Variants in ANTXR2 observed in about 807,000 individuals in gnomAD.
ANTXR2 encodes the protein anthrax toxin receptor 2.
A neutral mutation model predicts 73.7 loss-of-function variants in ANTXR2; 44 were observed. The observed-to-expected ratio is 0.60, with a 90% CI of 0.47 to 0.77. The LOEUF (loss-of-function observed/expected upper bound fraction) is 0.77. ANTXR2 is among the 30% of genes least tolerant of loss of function. ANTXR2 has a pLI of 0.00. For missense variants in ANTXR2, 604 were observed against 592.5 expected (o/e 1.02, Z -0.20); for synonymous variants, 217 against 205.9 (o/e 1.05, Z -0.46).
chr4:79,905,940 C>T lies in ANTXR2; in HGVS notation c.*1489G>A, dbSNP rs553038131. On this transcript the variant is annotated 3_prime_UTR_variant, in exon 17 of 17. Coordinates refer to ENST00000403729, the MANE Select transcript of ANTXR2 (RefSeq NM_058172.6). ...GTCATTTGATAAGCCTTTGTGCTCA[C>T]AGAGAGACATCCCACTGACCCAGCC... 1 of 152,644 alleles carries T rather than the reference C, an allele frequency of 6.6e-6. No individual in the cohort carries two copies. Among genetic ancestry groups the T allele is most frequent in the South Asian group, 2.1e-4 (1 of 4,826 alleles). 9.5% of individuals were successfully genotyped at this position (152,644 alleles called of 1,614,324 possible). A position where few individuals can be genotyped will look rare whatever the true frequency, so the allele number is the denominator to read the frequency against.
rs1482372032 is a variant in ANTXR2 at position 79,904,745 on chromosome 4, T to G, written c.*2684A>C. On this transcript the variant is annotated 3_prime_UTR_variant, in exon 17 of 17. Coordinates refer to ENST00000403729, the MANE Select transcript of ANTXR2 (RefSeq NM_058172.6). ...GATTATGTGCAAGACTTATTCATTT[T>G]TACACAGAAAGTAGATCTTGACTGA... is the stretch of plus-strand genomic sequence containing the variant. 1.3e-5 allele frequency: 2 copies of G among 152,172 alleles called. No homozygotes were observed. Among genetic ancestry groups the G allele is most frequent in the African/African-American group, 4.8e-5 (2 of 41,446 alleles). 9.4% of individuals were successfully genotyped at this position (152,172 alleles called of 1,614,324 possible).
intron 6 of ANTXR2, 63 bp downstream of exon 6, chr4:80,055,087 T>A: frequency 7.0e-7 from 1 of 1,432,362 alleles, no homozygotes; most frequent in Non-Finnish European, 9.5e-7. Flanking sequence ...AAAGAATTTG[T>A]TAAACTATCC....
chr4:80,008,608 C>T lies in ANTXR2; in HGVS notation c.954G>A (p.Gly318=), dbSNP rs1436180713. Residue 318 remains glycine (G), a synonymous_variant, in exon 12 of 17, where the codon GGG becomes GGA. Coordinates refer to ENST00000403729, the MANE Select transcript of ANTXR2 (RefSeq NM_058172.6). ...CCAAAATAACAATGATGGCTGCGAT[C>T]CCGTTAGACTAAAGTAGGCAAAAAG... ...LIVTATECSN[G]IAAIIVILVL... is the part of the protein sequence containing the mutation. 15 of 1,599,674 alleles carry T rather than the reference C, an allele frequency of 9.4e-6. No individual in the cohort carries two copies. The highest frequency in any genetic ancestry group is 1.3e-5 in the African/African-American group (1 of 74,178).
At chr4:80,006,621 G>A (rs1731313776) in intron 12 of ANTXR2, among the ~76,000 whole-genome samples, 2 of 151,960 alleles carry the variant, frequency 1.3e-5, no homozygotes, top group South Asian at 2.1e-4. Context: ...TTTATGCCTC[G>A]TAGAAAGTAA....
chr4:79,995,417 A>G (rs572412947), intron 12 of ANTXR2, among the ~76,000 whole-genome samples: 2 of 152,116 alleles, frequency 1.3e-5, no homozygotes, highest in South Asian at 4.1e-4. Flanking sequence ...TTTACATGAA[A>G]CTAAAATATT....
At chr4:79,996,395 CAGAT>C (rs1215844359) in intron 12 of ANTXR2, among the ~76,000 whole-genome samples, 1 of 151,604 alleles carries the variant, frequency 6.6e-6, no homozygotes, top group East Asian at 1.9e-4. Flanking sequence ...GATAATTACA[CAGAT>C]AGTTATATTT....
At chr4:79,988,980 G>T (rs1405377823) in intron 12 of ANTXR2, among the ~76,000 whole-genome samples, 3 of 152,040 alleles carry the variant, frequency 2.0e-5, no homozygotes, top group African/African-American at 7.2e-5. Context: ...CAGAATCTCT[G>T]GGACACGGCT....
rs1726846591 is a variant in ANTXR2, at chr4:79,904,903, G to A, written c.*2526C>T. The A allele has an allele frequency of 6.6e-6, 1 of 151,998 alleles. No individual in the cohort carries two copies. The highest frequency in any genetic ancestry group is 2.4e-5 in the African/African-American group (1 of 41,394). 9.4% of individuals were successfully genotyped at this position (151,998 alleles called of 1,614,324 possible). On this transcript the variant is annotated 3_prime_UTR_variant, in exon 17 of 17. Transcript: ENST00000403729. ...TAGGGATTTTTGATCTGGTCTTTTG[G>A]TAAGAAAATAACACTCTTCAAAACA...
chr4:79,988,256 TATATATATATATA>T (rs1730287378), intron 12 of ANTXR2, among the ~76,000 whole-genome samples: 1 of 134,800 alleles, frequency 7.4e-6, no homozygotes, highest in Non-Finnish European at 1.6e-5. Flanking sequence ...TATATATATA[TATATATATATATA>T]TATATATATG....
intron 12 of ANTXR2, among the ~76,000 whole-genome samples, chr4:79,993,211 G>A: frequency 6.6e-6 from 1 of 151,414 alleles, no homozygotes; most frequent in African/African-American, 2.4e-5. Context: ...AGAGAAGTTA[G>A]GAAGAGGAAA....
intron 16 of ANTXR2, among the ~76,000 whole-genome samples, chr4:79,922,959 C>T (rs1727646158): frequency 6.6e-6 from 1 of 152,004 alleles, no homozygotes; most frequent in Non-Finnish European, 1.5e-5. Flanking sequence ...GTTTACACTT[C>T]TAATATTTTT....
intron 12 of ANTXR2, among the ~76,000 whole-genome samples, chr4:79,994,006 C>A (rs1730609248): frequency 6.6e-6 from 1 of 151,686 alleles, no homozygotes. Context: ...TTAAGTATGG[C>A]TGAGCTATTA....
intron 4 of ANTXR2, 68 bp from the exon 5 acceptor site, chr4:80,055,535 G>T: frequency 1.5e-6 from 2 of 1,323,510 alleles, no homozygotes; most frequent in Non-Finnish European, 1.1e-6. Context: ...GTTCCATCAA[G>T]CTGAATTTGT....
chr4:79,988,102 C>T (rs1286357046), intron 12 of ANTXR2, among the ~76,000 whole-genome samples: 3 of 151,530 alleles, frequency 2.0e-5, no homozygotes, highest in Middle Eastern at 3.4e-3. Flanking sequence ...CAAATCTTCA[C>T]GTATCAATAT....
chr4:79,956,713 A>G (rs1728898958), intron 16 of ANTXR2, among the ~76,000 whole-genome samples: 1 of 152,130 alleles, frequency 6.6e-6, no homozygotes, highest in Non-Finnish European at 1.5e-5. Context: ...TCCCTCAACA[A>G]CTACAATACC....
intron 14 of ANTXR2, among the ~76,000 whole-genome samples, chr4:79,983,326 A>T (rs987972087): frequency 2.0e-5 from 3 of 152,124 alleles, no homozygotes; most frequent in South Asian, 2.1e-4. Flanking sequence ...ATAATATTAA[A>T]GTTCAATTTT....
chr4:79,965,113 A>T (rs1729314899), intron 16 of ANTXR2: 1 of 152,138 alleles, frequency 6.6e-6, no homozygotes, highest in African/African-American at 2.4e-5. Flanking sequence ...AAAGGGGCGC[A>T]TTTGGCTGGA....
chr4:79,988,290 G>A (rs1730290808), intron 12 of ANTXR2, among the ~76,000 whole-genome samples: 1 of 117,410 alleles, frequency 8.5e-6, no homozygotes, highest in Admixed American at 9.0e-5. Context: ...TAGGCTGAAA[G>A]TAAAGGAATA....
intron 3 of ANTXR2, 123 bp from the exon 4 acceptor site, chr4:80,056,136 T>C (rs2110109269): frequency 1.7e-6 from 1 of 579,396 alleles, no homozygotes; most frequent in Non-Finnish European, 2.8e-6. Context: ...GGAAAGAACA[T>C]GGGCTTTGAA....
Sources: allele counts gnomAD v4.1 joint callset (sites outside exome capture counted in the v4.1 genomes callset), GRCh38; gene constraint gnomAD v4.1.1; transcripts MANE v1.5; gene names NCBI Gene and HGNC (gene_info 2026-07-23, HGNC 2026-07-21).